The following PPM1L variants were observed in gnomAD, a reference collection of about 807,000 sequenced individuals.
PPM1L encodes the protein protein phosphatase, Mg2+/Mn2+ dependent 1L, also known as protein phosphatase 1L.
Under a neutral mutation model 31.4 loss-of-function variants are expected in PPM1L, and 13 were observed. The ratio of observed to expected loss-of-function variants is 0.41; its 90% confidence interval spans 0.27 to 0.66. PPM1L has a LOEUF of 0.66. PPM1L is among the 30% of genes least tolerant of loss of function. PPM1L has a pLI of 0.29. For synonymous variants in PPM1L, 184 were observed against 175.4 expected, an observed-to-expected ratio of 1.05 and a Z score of -0.39; for missense variants, 326 against 453.7, an observed-to-expected ratio of 0.72 and a Z score of 2.56.
Position 160,944,693 on chromosome 3 carries a change from A to G in PPM1L, c.400-17043A>G, listed in dbSNP as rs1488910952. 3.0e-5 allele frequency among the ~76,000 whole-genome samples: 4 copies of G among 134,748 alleles called. No individual in the cohort carries two copies. In the East Asian group the frequency reaches 7.9e-4, roughly 27 times the overall value. 88.4% of individuals were successfully genotyped at this position (134,748 alleles called of 152,430 possible). A position where few individuals can be genotyped will look rare whatever the true frequency, so the allele number is the denominator to read the frequency against. On this transcript the variant is annotated intron_variant, in intron 1 of 3. Transcript: ENST00000498165. ...AGGCACATAATAAATGCAAGCTAAA[A>G]AATTAATTTTATATATAATATATAT...
At chr3:160,777,995 A>C (rs1298471604) in intron 1 of PPM1L, among the ~76,000 whole-genome samples, 1 of 152,166 alleles carries the variant, frequency 6.6e-6, no homozygotes, top group Non-Finnish European at 1.5e-5. Context: ...CAGTGCACAA[A>C]GGTTCAGTTT....
At chr3:160,785,117 A>G (rs984851325) in intron 1 of PPM1L, among the ~76,000 whole-genome samples, 27 of 152,080 alleles carry the variant, frequency 1.8e-4, no homozygotes, top group African/African-American at 6.5e-4. Context: ...TTCAACAAGG[A>G]TTTATACAGT....
At chr3:160,925,256 G>A (rs1392348655) in intron 1 of PPM1L, among the ~76,000 whole-genome samples, 5 of 152,144 alleles carry the variant, frequency 3.3e-5, no homozygotes, top group Admixed American at 1.3e-4. Flanking sequence ...ATTTATATGC[G>A]CAGAATTGAA....
At chr3:161,003,198 A>C (rs1367127026) in intron 2 of PPM1L, among the ~76,000 whole-genome samples, 2 of 151,582 alleles carry the variant, frequency 1.3e-5, no homozygotes, top group Middle Eastern at 3.2e-3. Flanking sequence ...ATTGATCTAT[A>C]TGTCTGTTTT....
chr3:160,862,231 C>T (rs903061665), intron 1 of PPM1L, among the ~76,000 whole-genome samples: 3 of 152,074 alleles, frequency 2.0e-5, no homozygotes, highest in African/African-American at 7.2e-5. Context: ...TAAGTTCTAT[C>T]CCAAAACATG....
intron 1 of PPM1L, among the ~76,000 whole-genome samples, chr3:160,860,403 G>A (rs984531288): frequency 6.6e-6 from 1 of 152,170 alleles, no homozygotes; most frequent in Non-Finnish European, 1.5e-5. Context: ...GCAACTGAAT[G>A]TGGTGCCTGA....
intron 1 of PPM1L, among the ~76,000 whole-genome samples, chr3:160,799,715 T>C (rs1324055523): frequency 6.6e-6 from 1 of 152,184 alleles, no homozygotes; most frequent in Non-Finnish European, 1.5e-5. Flanking sequence ...TTCCCCTGCT[T>C]ATCCACGTGG....
intron 1 of PPM1L, among the ~76,000 whole-genome samples, chr3:160,959,764 T>C (rs1435899421): frequency 6.6e-6 from 1 of 151,792 alleles, no homozygotes; most frequent in Non-Finnish European, 1.5e-5. Flanking sequence ...ACCCAGGAGG[T>C]GGAGGTTGCA....
intron 2 of PPM1L, among the ~76,000 whole-genome samples, chr3:160,997,728 G>A (rs1717368797): frequency 6.6e-6 from 1 of 152,142 alleles, no homozygotes; most frequent in African/African-American, 2.4e-5. Context: ...TTCTTTTGAA[G>A]AGTGGGTGTG....
chr3:160,940,619 C>T (rs1440698652), intron 1 of PPM1L, among the ~76,000 whole-genome samples: 1 of 152,188 alleles, frequency 6.6e-6, no homozygotes, highest in South Asian at 2.1e-4. Flanking sequence ...TGTATTGAGC[C>T]TAGGGGTGCG....
chr3:160,777,176 A>T (rs1711581105), intron 1 of PPM1L, among the ~76,000 whole-genome samples: 1 of 151,914 alleles, frequency 6.6e-6, no homozygotes, highest in African/African-American at 2.4e-5. Flanking sequence ...TAAAAATATT[A>T]GTCAGGCATG....
intron 2 of PPM1L, among the ~76,000 whole-genome samples, chr3:160,977,451 G>A (rs953982146): frequency 1.8e-4 from 28 of 152,222 alleles, no homozygotes; most frequent in African/African-American, 5.8e-4. Context: ...TGCTTCCTTC[G>A]AATTTATTGC....
At position 161,068,886 on chromosome 3, in the gene PPM1L, C is replaced by T. The variant is rs376001479; in HGVS notation, c.812C>T (p.Pro271Leu). ...ATGTCTCGGTCCCTGGGGGATTATC[C>T]GCTGAAAAATCTCAACGTGGTCATC... ...LAMSRSLGDY[P>L]LKNLNVVIPD... Residue 271 changes from proline (P) to leucine (L), a missense_variant, in exon 4 of 4, where the codon CCG becomes CTG. Physicochemically the swap from Pro to Leu is moderately conservative, Grantham distance 98. This residue lies in a region of PPM1L where 201 missense variants were observed against 298.2 expected (regional missense o/e 0.67). Transcript: ENST00000498165. 2.9e-5 allele frequency: 47 copies of T among 1,613,936 alleles called. No homozygotes were observed. Among genetic ancestry groups the T allele is most frequent in the Middle Eastern group, 1.6e-4 (1 of 6,084 alleles).
intron 1 of PPM1L, among the ~76,000 whole-genome samples, chr3:160,918,007 G>A (rs74644611): frequency 0.012 from 1,756 of 152,214 alleles, 44 homozygotes; most frequent in African/African-American, 0.04. Context: ...TAATGCCTTT[G>A]TGCCCTCCCT....
chr3:160,959,645 C>T (rs1014269915), intron 1 of PPM1L, among the ~76,000 whole-genome samples: 16 of 152,004 alleles, frequency 1.1e-4, no homozygotes, highest in Admixed American at 1.0e-3. Context: ...GCCTGGCCAA[C>T]ATGGTAAAAC....
intron 2 of PPM1L, among the ~76,000 whole-genome samples, chr3:161,004,853 T>G (rs1576776634): frequency 6.6e-6 from 1 of 152,226 alleles, no homozygotes; most frequent in East Asian, 1.9e-4. Context: ...AGTTCTGCTC[T>G]GATTTTAGTC....
chr3:160,944,146 C>T (rs1715249342), intron 1 of PPM1L, among the ~76,000 whole-genome samples: 1 of 152,006 alleles, frequency 6.6e-6, no homozygotes, highest in African/African-American at 2.4e-5. Flanking sequence ...CACCAGCCTT[C>T]ACTAAGCAGT....
intron 1 of PPM1L, among the ~76,000 whole-genome samples, chr3:160,758,984 A>G (rs1714891459): frequency 6.6e-6 from 1 of 152,240 alleles, no homozygotes; most frequent in East Asian, 1.9e-4. Flanking sequence ...CAAAATAAGG[A>G]AAGTGCTACA....
intron 1 of PPM1L, among the ~76,000 whole-genome samples, chr3:160,860,190 T>C (rs1235148362): frequency 2.6e-5 from 4 of 152,156 alleles, no homozygotes; most frequent in Non-Finnish European, 5.9e-5. Context: ...TTTAAACTTG[T>C]TTAAAAATAA....
Sources: allele counts gnomAD v4.1 joint callset (sites outside exome capture counted in the v4.1 genomes callset), GRCh38; gene constraint gnomAD v4.1.1; regional missense constraint gnomAD v4.1.1; transcripts MANE v1.5; gene names NCBI Gene and HGNC (gene_info 2026-07-23, HGNC 2026-07-21).